The following NCBP1 variants were observed in gnomAD, a reference collection of about 807,000 sequenced individuals.
The protein encoded by NCBP1 is nuclear cap binding protein subunit 1.
A neutral mutation model predicts 111.7 loss-of-function variants in NCBP1; 16 were observed. That is an observed-to-expected ratio of 0.14 (90% confidence interval 0.10 to 0.22). The LOEUF is 0.22. NCBP1 is among the 10% of genes least tolerant of loss of function. NCBP1 has a pLI of 1.00. For synonymous variants in NCBP1, 304 were observed against 314.3 expected, an observed-to-expected ratio of 0.97 and a Z score of 0.35; for missense variants, 607 against 957.5, an observed-to-expected ratio of 0.63 and a Z score of 4.83.
chr9:97,633,952 G>C (rs1826910673), intron 1 of NCBP1, 37 bp downstream of exon 1: 1 of 1,561,086 alleles, frequency 6.4e-7, no homozygotes, highest in Non-Finnish European at 8.6e-7. Context: ...GGCCGCTCCC[G>C]GTTGGGAGCC....
chr9:97,642,944 A>T (rs536494884), intron 3 of NCBP1, among the ~76,000 whole-genome samples: 45 of 152,216 alleles, frequency 3.0e-4, no homozygotes, highest in African/African-American at 9.6e-4. Flanking sequence ...CATTAGTTTT[A>T]TTTATTTCAG....
chr9:97,656,181 T>A (rs1013661949), intron 14 of NCBP1, 96 bp downstream of exon 14: 6 of 1,008,162 alleles, frequency 6.0e-6, no homozygotes, highest in Admixed American at 4.5e-5. Context: ...GGATTCAAAA[T>A]CCACTTACTC....
Position 97,671,413 on chromosome 9 carries a change from T to C in NCBP1, c.*214T>C, listed in dbSNP as rs1828190152. ...CAGTAATGTGACTATGACCATGATA[T>C]ATTATATATGTGACAGATACAAATT... On this transcript the variant is annotated 3_prime_UTR_variant, in exon 23 of 23. Transcript: ENST00000375147. 6.1e-6 allele frequency: 3 copies of C among 489,920 alleles called. 1 individual carries two copies. The South Asian group carries it at 7.5e-5, about 12-fold the overall frequency. 30.3% of individuals were successfully genotyped at this position (489,920 alleles called of 1,614,324 possible).
At chr9:97,656,452 G>A (rs1827656987) in intron 14 of NCBP1, among the ~76,000 whole-genome samples, 1 of 152,156 alleles carries the variant, frequency 6.6e-6, no homozygotes, top group East Asian at 1.9e-4. Context: ...GTTGGCGAAC[G>A]TCTATAATCC....
chr9:97,660,399 C>T (rs1164508682), intron 15 of NCBP1, among the ~76,000 whole-genome samples: 1 of 152,144 alleles, frequency 6.6e-6, no homozygotes, highest in Admixed American at 6.5e-5. Flanking sequence ...CAAGGAGTCC[C>T]ATCACGTGAG....
At chr9:97,669,555 T>A (rs773035861) in intron 21 of NCBP1, 38 bp from the exon 22 acceptor site, 34 of 1,406,670 alleles carry the variant, frequency 2.4e-5, no homozygotes, top group Non-Finnish European at 8.1e-6. Context: ...TATAAGATTC[T>A]GTCTGTAGTA....
chr9:97,641,753 C>T, intron 3 of NCBP1, 91 bp downstream of exon 3: 2 of 1,255,424 alleles, frequency 1.6e-6, no homozygotes, highest in Non-Finnish European at 2.1e-6. Flanking sequence ...TGTTTATGTT[C>T]TATATGTCCT....
In NCBP1 at chr9:97,643,371, T is replaced by G. The variant is rs1055889341; in HGVS notation, c.381+11T>G. On this transcript the variant is annotated intron_variant, in intron 4 of 22. Transcript: ENST00000375147. The stretch of plus-strand genomic sequence containing the variant: ...GAAGCCGTGTATTTGGTAAGTTAGT[T>G]TGTTTGTTGGTATGTTATGACTACT... 18 of 1,583,268 alleles carry G rather than the reference T, an allele frequency of 1.1e-5. No individual in the cohort carries two copies. The highest frequency in any genetic ancestry group is 1.5e-5 in the Non-Finnish European group (17 of 1,168,874).
intron 15 of NCBP1, among the ~76,000 whole-genome samples, chr9:97,658,956 C>T (rs957475540): frequency 2.6e-5 from 4 of 152,174 alleles, no homozygotes; most frequent in African/African-American, 9.6e-5. Context: ...ACTGGCTTAT[C>T]ATTTTTTCTC....
chr9:97,636,376 TGTC>T (rs937507215), intron 1 of NCBP1, among the ~76,000 whole-genome samples: 7 of 150,958 alleles, frequency 4.6e-5, no homozygotes, highest in Non-Finnish European at 8.8e-5. Flanking sequence ...TCTGGACAAT[TGTC>T]AGCTGCTGTC....
chr9:97,669,304 C>T (rs1412954506), intron 21 of NCBP1, among the ~76,000 whole-genome samples: 1 of 151,918 alleles, frequency 6.6e-6, no homozygotes, highest in Admixed American at 6.6e-5. Context: ...GCATAGATTC[C>T]TGTTAAAATT....
intron 22 of NCBP1, 100 bp downstream of exon 22, chr9:97,669,806 A>C: frequency 1.3e-6 from 1 of 788,962 alleles, no homozygotes; most frequent in Non-Finnish European, 2.2e-6. Flanking sequence ...GTTATATAGT[A>C]CCTGTTAGAC....
intron 7 of NCBP1, 135 bp from the exon 8 acceptor site, chr9:97,647,873 A>G (rs1827390331): frequency 1.2e-6 from 1 of 817,536 alleles, no homozygotes; most frequent in African/African-American, 1.7e-5. Context: ...AAAAACAAAA[A>G]CTTAGCACCT....
At chr9:97,638,295 T>G (rs539086447) in intron 1 of NCBP1, among the ~76,000 whole-genome samples, 24 of 152,312 alleles carry the variant, frequency 1.6e-4, no homozygotes, top group African/African-American at 5.5e-4. Flanking sequence ...ATATTGTCCT[T>G]TAATATAGCC....
chr9:97,667,984 G>T (rs914720982), intron 20 of NCBP1, among the ~76,000 whole-genome samples: 5 of 152,196 alleles, frequency 3.3e-5, no homozygotes, highest in Non-Finnish European at 7.4e-5. Context: ...AATGGGCTGT[G>T]TTTATAGAGA....
At chr9:97,664,207 C>A (rs556320396) in intron 18 of NCBP1, 133 bp from the exon 19 acceptor site, 9 of 528,068 alleles carry the variant, frequency 1.7e-5, no homozygotes, top group African/African-American at 1.3e-4. Context: ...TCAGATTGAT[C>A]AATCAATTCC....
intron 1 of NCBP1, among the ~76,000 whole-genome samples, chr9:97,637,130 C>T (rs780583644): frequency 6.6e-6 from 1 of 152,074 alleles, no homozygotes; most frequent in Non-Finnish European, 1.5e-5. Context: ...CAGAGGGTTG[C>T]ATCTTATAGG....
At chr9:97,660,359 G>T (rs779374573) in intron 15 of NCBP1, among the ~76,000 whole-genome samples, 23 of 152,036 alleles carry the variant, frequency 1.5e-4, no homozygotes, top group Non-Finnish European at 2.6e-4. Flanking sequence ...TTATAATAAG[G>T]ACTCAACTGA....
chr9:97,673,366 CTT>C lies in NCBP1; in HGVS notation c.*2169_*2170del, dbSNP rs1828255132. The C allele has an allele frequency of 6.6e-6, 1 of 152,310 alleles. No homozygotes were observed. The highest frequency in any genetic ancestry group is 1.9e-4 in the East Asian group (1 of 5,182). The allele number at this position is 152,310 out of a possible 1,614,324, so 9.4% of individuals were successfully genotyped here. A position where few individuals can be genotyped will look rare whatever the true frequency, so the allele number is the denominator to read the frequency against. ...AGGATAACCTTTAAGGGATTGGTAA[CTT>C]TGACTCAAAACTGCTTTGTAATCTT... is the stretch of plus-strand genomic sequence containing the variant. On this transcript the variant is annotated 3_prime_UTR_variant, in exon 23 of 23. Coordinates refer to ENST00000375147, the MANE Select transcript of NCBP1 (RefSeq NM_002486.5).
Sources: gnomAD v4.1 joint callset for allele counts (sites outside exome capture counted in the v4.1 genomes callset) on GRCh38, gnomAD v4.1.1 for gene constraint, MANE v1.5 for transcripts, NCBI Gene and HGNC (gene_info 2026-07-23, HGNC 2026-07-21) for gene names.